The following ZNF385D variants were observed in gnomAD, a reference collection of about 807,000 sequenced individuals.
ZNF385D encodes the protein zinc finger protein 385D.
In ZNF385D, 15 loss-of-function variants were observed where a neutral mutation model predicts 35.8. The observed-to-expected ratio is 0.42, with a 90% CI of 0.28 to 0.64. The LOEUF is 0.64. Ranked by LOEUF, ZNF385D falls within the 30% of genes least tolerant of loss-of-function variation. The pLI is 0.23. For missense variants in ZNF385D, 474 were observed against 494.6 expected (o/e 0.96, Z 0.39); for synonymous variants, 212 against 186.8 (o/e 1.13, Z -1.10).
At chr3:21,970,561 A>C (rs985664572) in intron 3 of ZNF385D, among the ~76,000 whole-genome samples, 1 of 152,048 alleles carries the variant, frequency 6.6e-6, no homozygotes, top group Non-Finnish European at 1.5e-5. Flanking sequence ...AAAACCTAGA[A>C]AACAGCCTCA....
At chr3:22,017,826 A>G (rs529675261) in intron 3 of ZNF385D, among the ~76,000 whole-genome samples, 1 of 152,044 alleles carries the variant, frequency 6.6e-6, no homozygotes, top group East Asian at 1.9e-4. Context: ...CTGTCTATAC[A>G]TATTTGGATC....
chr3:21,921,533 A>G (rs1256809930), intron 3 of ZNF385D, among the ~76,000 whole-genome samples: 1 of 152,158 alleles, frequency 6.6e-6, no homozygotes, highest in African/African-American at 2.4e-5. Flanking sequence ...ATGATATCAA[A>G]GCAATCAATA....
rs190802625 is a variant in ZNF385D, at chr3:22,239,137, C to T, written c.107-70102G>A. On this transcript the variant is annotated intron_variant, in intron 2 of 5. Coordinates refer to the ZNF385D transcript ENST00000494108. Reference sequence around the variant, plus strand: ...CCTAAGACAAAAATATATGATAACACGAAATGGTTTTAAACTAAGTTCTGC... The same window carrying T: ...CCTAAGACAAAAATATATGATAACATGAAATGGTTTTAAACTAAGTTCTGC... 1.2e-3 allele frequency among the ~76,000 whole-genome samples: 182 copies of T among 151,062 alleles called. 2 individuals carry two copies. Among genetic ancestry groups the T allele is most frequent in the Admixed American group, 1.8e-3 (28 of 15,168 alleles).
intron 4 of ZNF385D, among the ~76,000 whole-genome samples, chr3:21,456,190 G>A (rs1424125263): frequency 6.6e-6 from 1 of 152,088 alleles, no homozygotes; most frequent in Non-Finnish European, 1.5e-5. Context: ...ATTCCTCAAG[G>A]ATCTAGAACT....
At chr3:21,635,034 A>G (rs2065387995) in intron 2 of ZNF385D, among the ~76,000 whole-genome samples, 1 of 152,124 alleles carries the variant, frequency 6.6e-6, no homozygotes, top group African/African-American at 2.4e-5. Context: ...CCTAAAAATC[A>G]AAGTGGGTCT....
intron 1 of ZNF385D, among the ~76,000 whole-genome samples, chr3:21,698,013 G>A (rs1018765631): frequency 1.3e-5 from 2 of 152,038 alleles, no homozygotes; most frequent in African/African-American, 4.8e-5. Flanking sequence ...GTAAATTAGT[G>A]CAACCTCTAT....
intron 2 of ZNF385D, among the ~76,000 whole-genome samples, chr3:22,218,087 T>G (rs752153999): frequency 7.2e-5 from 11 of 152,126 alleles, no homozygotes; most frequent in Non-Finnish European, 2.9e-5. Flanking sequence ...CTTGGTTATT[T>G]TAAACTTCAT....
intron 1 of ZNF385D, among the ~76,000 whole-genome samples, chr3:21,706,771 A>G (rs983612964): frequency 7.9e-5 from 12 of 152,096 alleles, no homozygotes; most frequent in Non-Finnish European, 1.8e-4. Context: ...CTAACATTCC[A>G]CTTCTGAGAG....
At chr3:21,704,145 T>C (rs940967733) in intron 1 of ZNF385D, among the ~76,000 whole-genome samples, 4 of 152,230 alleles carry the variant, frequency 2.6e-5, no homozygotes, top group African/African-American at 7.2e-5. Context: ...CTAGGGTTTT[T>C]GCTCCCATGT....
At chr3:21,500,308 A>G (rs1706265280) in intron 4 of ZNF385D, among the ~76,000 whole-genome samples, 2 of 152,352 alleles carry the variant, frequency 1.3e-5, no homozygotes, top group South Asian at 4.1e-4. Context: ...AGAAACAAAA[A>G]TAATACAGTA....
intron 4 of ZNF385D, among the ~76,000 whole-genome samples, chr3:21,466,157 G>T (rs796453824): frequency 9.9e-5 from 15 of 152,130 alleles, no homozygotes; most frequent in African/African-American, 3.6e-4. Context: ...ATCCTAATAG[G>T]CAAATGCATG....
Position 21,417,737 on chromosome 3 carries a change from C to T in ZNF385D, c.*3477G>A, listed in dbSNP as rs992010043. The stretch of plus-strand genomic sequence containing the variant: ...TTAATTCTTAGTCTTTTATGATTTC[C>T]TGCTCTTTTAATTTTCAAGTACATA... On this transcript the variant is annotated 3_prime_UTR_variant, in exon 8 of 8. Coordinates refer to ENST00000281523, the MANE Select transcript of ZNF385D (RefSeq NM_024697.3). 4 of 151,990 alleles carry T rather than the reference C, an allele frequency of 2.6e-5. No individual in the cohort carries two copies. Among genetic ancestry groups the T allele is most frequent in the Non-Finnish European group, 4.4e-5 (3 of 67,978 alleles). The allele number at this position is 151,990 out of a possible 1,614,324, so 9.4% of individuals were successfully genotyped here.
intron 3 of ZNF385D, among the ~76,000 whole-genome samples, chr3:21,900,986 G>A (rs1699380963): frequency 1.3e-5 from 2 of 152,152 alleles, no homozygotes; most frequent in African/African-American, 4.8e-5. Context: ...GGTCTTGCCT[G>A]GCATCCATGC....
chr3:22,193,432 T>G (rs576554001), intron 2 of ZNF385D, among the ~76,000 whole-genome samples: 2 of 152,174 alleles, frequency 1.3e-5, no homozygotes, highest in East Asian at 3.9e-4. Flanking sequence ...TTCCCAAAAC[T>G]TATTATATAT....
intron 3 of ZNF385D, among the ~76,000 whole-genome samples, chr3:21,970,524 G>T (rs1031834486): frequency 2.7e-5 from 4 of 150,706 alleles, no homozygotes; most frequent in African/African-American, 7.3e-5. Flanking sequence ...AAAGAAAAAA[G>T]AATGAAAAAG....
chr3:22,042,056 G>A (rs571494348), intron 3 of ZNF385D, among the ~76,000 whole-genome samples: 3 of 152,240 alleles, frequency 2.0e-5, no homozygotes, highest in East Asian at 3.9e-4. Flanking sequence ...TTAGCGGGTA[G>A]GTAACTACTT....
chr3:21,948,699 A>G (rs1364757859), intron 3 of ZNF385D, among the ~76,000 whole-genome samples: 1 of 140,840 alleles, frequency 7.1e-6, no homozygotes, highest in Admixed American at 8.0e-5. Context: ...TTCCAATTGC[A>G]TGAGACAAAT....
At chr3:22,142,579 CG>C (rs1377743785) in intron 3 of ZNF385D, among the ~76,000 whole-genome samples, 4 of 151,902 alleles carry the variant, frequency 2.6e-5, no homozygotes, top group African/African-American at 9.7e-5. Flanking sequence ...TCCTCCTCTA[CG>C]GTGGTCTCCA....
chr3:22,154,597 C>T (rs1705466079), intron 3 of ZNF385D, among the ~76,000 whole-genome samples: 1 of 152,114 alleles, frequency 6.6e-6, no homozygotes, highest in African/African-American at 2.4e-5. Flanking sequence ...AGGTATGAGC[C>T]ATAAAGCTCC....
Sources: gnomAD v4.1 joint callset for allele counts (sites outside exome capture counted in the v4.1 genomes callset) on GRCh38, gnomAD v4.1.1 for gene constraint, MANE v1.5 for transcripts, NCBI Gene and HGNC (gene_info 2026-07-23, HGNC 2026-07-21) for gene names.